ERP29: variants seen among roughly 807,000 people sequenced by gnomAD.
ERP29 encodes endoplasmic reticulum resident protein 29.
ERP29 carries 14 observed loss-of-function variants against 21.7 expected under a neutral mutation model. That is an observed-to-expected ratio of 0.64 (90% confidence interval 0.43 to 1.01). ERP29 has a LOEUF of 1.01. ERP29 is among the 50% of genes least tolerant of loss of function. The pLI, the probability that ERP29 is intolerant of heterozygous loss-of-function variation, is 0.00. For synonymous variants in ERP29, 129 were observed against 139.1 expected, an observed-to-expected ratio of 0.93 and a Z score of 0.51; for missense variants, 286 against 327.3, an observed-to-expected ratio of 0.87 and a Z score of 0.97.
chr12:112,021,673 G>A (rs1312602533), intron 2 of ERP29, among the ~76,000 whole-genome samples: 4 of 151,670 alleles, frequency 2.6e-5, no homozygotes, highest in Non-Finnish European at 4.4e-5. Context: ...ACAGGCACGC[G>A]CCACCATGCC....
chr12:112,017,777 T>C (rs966870529), intron 1 of ERP29, among the ~76,000 whole-genome samples: 7 of 141,470 alleles, frequency 4.9e-5, no homozygotes, highest in African/African-American at 2.1e-4. Flanking sequence ...TTGTATCTTT[T>C]TTTTTCTTTT....
chr12:112,020,594 A>G (rs1366481276), intron 2 of ERP29, among the ~76,000 whole-genome samples: 1 of 152,152 alleles, frequency 6.6e-6, no homozygotes, highest in African/African-American at 2.4e-5. Flanking sequence ...CTTCCCTCCC[A>G]GCTTGGATGC....
At position 112,022,259 on chromosome 12, in the gene ERP29, A is replaced by G. The variant is rs1177117487; in HGVS notation, c.393A>G (p.Pro131=). 1 of 1,613,460 alleles carries G rather than the reference A, an allele frequency of 6.2e-7. No homozygotes were observed. Among genetic ancestry groups the G allele is most frequent in the African/African-American group, 1.3e-5 (1 of 75,056 alleles). ...FRDGDFENPV[P]YTGAVKVGAI... ...ATGGGGACTTTGAGAACCCAGTCCCATACACTGGGGCAGTTAAGGTTGGAG... is the reference window on the plus strand; with the variant it reads ...ATGGGGACTTTGAGAACCCAGTCCCGTACACTGGGGCAGTTAAGGTTGGAG... Residue 131 remains proline, a synonymous_variant, in exon 3 of 3, where the codon CCA becomes CCG. Coordinates refer to ENST00000261735, the MANE Select transcript of ERP29 (RefSeq NM_006817.4).
chr12:112,017,821 T>G (rs369843975), intron 1 of ERP29, among the ~76,000 whole-genome samples: 5 of 150,974 alleles, frequency 3.3e-5, no homozygotes, highest in African/African-American at 1.2e-4. Flanking sequence ...TTTCATTCTT[T>G]TCGCCCAGGC....
Position 112,022,307 on chromosome 12 carries a change from GC to G in ERP29, c.442del (p.Gln148LysfsTer5). On this transcript the variant is annotated frameshift_variant, in exon 3 of 3. Coordinates refer to ENST00000261735, the MANE Select transcript of ERP29 (RefSeq NM_006817.4). LOFTEE classifies it high-confidence loss of function. ...VGAIQRWLKG[Q>X]GVYLGMPGCL... ...GAGCCATCCAGCGCTGGCTGAAGGGGCAAGGGGTCTACCTAGGTATGCCTGG... is the reference window on the plus strand; with the variant it reads ...GAGCCATCCAGCGCTGGCTGAAGGGGAAGGGGTCTACCTAGGTATGCCTGG... The G allele has an allele frequency of 6.2e-7, 1 of 1,613,064 alleles. No homozygotes were observed. The highest frequency in any genetic ancestry group is 8.5e-7 in the Non-Finnish European group (1 of 1,179,418).
chr12:112,013,706 G>A, intron 1 of ERP29, 97 bp downstream of exon 1: 1 of 1,342,572 alleles, frequency 7.4e-7, no homozygotes, highest in South Asian at 1.5e-5. Flanking sequence ...GCTGACGGGA[G>A]GTGGTCTGTA....
intron 1 of ERP29, among the ~76,000 whole-genome samples, chr12:112,017,930 G>A (rs1332731439): frequency 6.6e-6 from 1 of 151,370 alleles, no homozygotes; most frequent in African/African-American, 2.4e-5. Flanking sequence ...GATTACAGGC[G>A]CCCACCACAA....
At chr12:112,015,952 G>A (rs974154833) in intron 1 of ERP29, among the ~76,000 whole-genome samples, 1 of 152,110 alleles carries the variant, frequency 6.6e-6, no homozygotes, top group East Asian at 1.9e-4. Context: ...CTCATCATTC[G>A]GGCTTAGGTT....
In ERP29 at chr12:112,013,694, G is replaced by A; in HGVS notation, c.144+85G>A. 5 of 1,387,564 alleles carry A rather than the reference G, an allele frequency of 3.6e-6. No individual in the cohort carries two copies. In the South Asian group the frequency reaches 7.3e-5, roughly 20 times the overall value. 86.0% of individuals were successfully genotyped at this position (1,387,564 alleles called of 1,614,324 possible). On this transcript the variant is annotated intron_variant, in intron 1 of 2. Coordinates refer to ENST00000261735, the MANE Select transcript of ERP29 (RefSeq NM_006817.4). ...CCCGTGGGGAGACGCTGGATTCCGG[G>A]AGCTGACGGGAGGTGGTCTGTAGCA...
In ERP29 at chr12:112,023,271, A is replaced by G. The variant is rs983880185; in HGVS notation, c.*619A>G. 2.0e-5 allele frequency: 3 copies of G among 152,242 alleles called. No homozygotes were observed. Among genetic ancestry groups the G allele is most frequent in the African/African-American group, 7.2e-5 (3 of 41,466 alleles). 9.4% of individuals were successfully genotyped at this position (152,242 alleles called of 1,614,324 possible). A position where few individuals can be genotyped will look rare whatever the true frequency, so the allele number is the denominator to read the frequency against. On this transcript the variant is annotated 3_prime_UTR_variant, in exon 3 of 3. Coordinates refer to ENST00000261735, the MANE Select transcript of ERP29 (RefSeq NM_006817.4). ...ATGGACCATGGTGTAATTATTTTCC[A>G]TGCTTTGTGAGGTACACATAGCAAA...
At chr12:112,013,672 G>C in intron 1 of ERP29, 63 bp downstream of exon 1, 2 of 1,457,268 alleles carry the variant, frequency 1.4e-6, no homozygotes, top group Non-Finnish European at 1.8e-6. Flanking sequence ...GCGCGCGCCC[G>C]TGGGGAGACG....
chr12:112,019,125 A>G (rs1483939388), intron 1 of ERP29: 1 of 161,236 alleles, frequency 6.2e-6, no homozygotes, highest in East Asian at 1.8e-4. Context: ...TACACTTTTA[A>G]ATGGTTACAA....
intron 1 of ERP29, among the ~76,000 whole-genome samples, chr12:112,014,079 C>T (rs980231019): frequency 2.6e-5 from 4 of 152,082 alleles, no homozygotes; most frequent in Non-Finnish European, 5.9e-5. Context: ...TGGATTGCAG[C>T]CTGCTTTGCA....
intron 1 of ERP29, among the ~76,000 whole-genome samples, chr12:112,015,493 A>C (rs2078006151): frequency 6.6e-6 from 1 of 152,006 alleles, no homozygotes; most frequent in East Asian, 1.9e-4. Context: ...TGTCTCAAAA[A>C]AAAAAAAAAT....
intron 1 of ERP29, 80 bp downstream of exon 1, chr12:112,013,689 T>C: frequency 5.6e-6 from 8 of 1,417,988 alleles, no homozygotes; most frequent in Non-Finnish European, 7.5e-6. Flanking sequence ...GACGCTGGAT[T>C]CCGGGAGCTG....
Position 112,022,187 on chromosome 12 carries a change from A to G in ERP29, c.321A>G (p.Lys107=). The change falls in exon 3 of 3, where the codon AAA becomes AAG. Residue 107 remains lysine, a synonymous_variant. Transcript: ENST00000261735. ...AGCTGAACATGGAGCTGAGTGAGAA[A>G]TACAAGCTGGACAAAGAGAGCTACC... ...GDKLNMELSE[K]YKLDKESYPV... 6.2e-7 allele frequency: 1 copy of G among 1,614,206 alleles called. No homozygotes were observed. The highest frequency in any genetic ancestry group is 8.5e-7 in the Non-Finnish European group (1 of 1,180,022).
At position 112,021,515 on chromosome 12, in the gene ERP29, C is replaced by CTTTTTTTTTTTTTT. The variant is rs1164185865; in HGVS notation, c.284-622_284-609dup. 1.7e-4 allele frequency among the ~76,000 whole-genome samples: 12 copies of CTTTTTTTTTTTTTT among 70,044 alleles called. 4 individuals are homozygous for CTTTTTTTTTTTTTT. In the East Asian group the frequency reaches 7.1e-3, roughly 42 times the overall value. 46.0% of individuals were successfully genotyped at this position (70,044 alleles called of 152,430 possible). ...CTTAGAAGAATATGAGCTTAATAGT[C>CTTTTTTTTTTTTTT]TTTTTTTTTTTTTTTTTTTTTTTTT... On this transcript the variant is annotated intron_variant, in intron 2 of 2. Transcript: ENST00000261735.
Position 112,022,219 on chromosome 12 carries a change from T to C in ERP29, c.353T>C (p.Phe118Ser), listed in dbSNP as rs766370416. The C allele has an allele frequency of 6.2e-7, 1 of 1,614,130 alleles. No homozygotes were observed. Among genetic ancestry groups the C allele is most frequent in the Non-Finnish European group, 8.5e-7 (1 of 1,179,978 alleles). Residue 118 changes from phenylalanine (F) to serine (S), a missense_variant, in exon 3 of 3, where the codon TTC (phenylalanine) becomes TCC (serine). Phe to Ser is a radical substitution (Grantham distance 155). Transcript: ENST00000261735. ...CTGGACAAAGAGAGCTACCCAGTCT[T>C]CTACCTCTTCCGGGATGGGGACTTT... ...YKLDKESYPV[F>S]YLFRDGDFEN...
At chr12:112,017,681 TC>T (rs533448975) in intron 1 of ERP29, among the ~76,000 whole-genome samples, 269 of 152,012 alleles carry the variant, frequency 1.8e-3, no homozygotes, top group Non-Finnish European at 3.3e-3. Context: ...TTCTCCTCCC[TC>T]CTTTGTGTCC....
Sources: allele counts gnomAD v4.1 joint callset (sites outside exome capture counted in the v4.1 genomes callset), GRCh38; gene constraint gnomAD v4.1.1; transcripts MANE v1.5; gene names NCBI Gene and HGNC (gene_info 2026-07-23, HGNC 2026-07-21).